Variants in MGST1 observed in about 807,000 individuals in gnomAD.
The protein encoded by MGST1 is glutathione S-transferase 12.
Under a neutral mutation model 8.9 loss-of-function variants are expected in MGST1, and 5 were observed. The observed-to-expected ratio is 0.56, with a 90% CI of 0.29 to 1.19. The LOEUF (loss-of-function observed/expected upper bound fraction) is 1.19, where lower values mean the gene tolerates loss of function less well. MGST1 is among the 50% of genes most tolerant of loss of function. MGST1 has a pLI of 0.08. For missense variants in MGST1, 182 were observed against 187.4 expected, an observed-to-expected ratio of 0.97 and a Z score of 0.17; for synonymous variants, 54 against 67.8, an observed-to-expected ratio of 0.80 and a Z score of 1.00.
At chr12:16,455,284 A>G (rs1019612644) in intron 4 of MGST1, among the ~76,000 whole-genome samples, 5 of 151,878 alleles carry the variant, frequency 3.3e-5, no homozygotes, top group African/African-American at 1.2e-4. Flanking sequence ...TCTCTCAACA[A>G]ATTTATGATA....
At chr12:16,486,627 A>G (rs1250324848) in intron 4 of MGST1, among the ~76,000 whole-genome samples, 1 of 152,220 alleles carries the variant, frequency 6.6e-6, no homozygotes, top group Non-Finnish European at 1.5e-5. Flanking sequence ...CAATTTGTCC[A>G]AGACTGAATT....
At chr12:16,355,023 G>A (rs757299081) in intron 2 of MGST1, among the ~76,000 whole-genome samples, 10 of 151,916 alleles carry the variant, frequency 6.6e-5, no homozygotes, top group South Asian at 2.1e-4. Flanking sequence ...TGCTTGAAGC[G>A]CGTAGAGCGA....
Position 16,552,106 on chromosome 12 carries a change from T to C in MGST1, n.483-37422T>C, listed in dbSNP as rs79833725. 7.8e-3 allele frequency among the ~76,000 whole-genome samples: 1,187 copies of C among 152,174 alleles called. 18 individuals are homozygous for C. The highest frequency in any genetic ancestry group is 0.027 in the African/African-American group (1,137 of 41,566). ...TTGTTTAATGTGCAAGACTGCAATG[T>C]TTTTAATAAGTGTTCTTTCTGTATG... On this transcript the variant is annotated intron_variant and non_coding_transcript_variant, in intron 4 of 4. Transcript: ENST00000538857.
At chr12:16,367,247 A>G (rs1940208495), downstream of MGST1, 1 of 152,142 alleles carries the variant, frequency 6.6e-6, no homozygotes, top group Non-Finnish European at 1.5e-5. Flanking sequence ...CGTGGTTTAA[A>G]CAAGGCTGAG....
intron 4 of MGST1, among the ~76,000 whole-genome samples, chr12:16,445,498 A>G (rs940552421): frequency 6.6e-5 from 10 of 151,944 alleles, no homozygotes; most frequent in Non-Finnish European, 1.0e-4. Flanking sequence ...GTGATGTTCT[A>G]TGTAAAATCC....
chr12:16,447,837 T>C (rs1468187494), intron 4 of MGST1, among the ~76,000 whole-genome samples: 1 of 151,950 alleles, frequency 6.6e-6, no homozygotes, highest in Admixed American at 6.6e-5. Flanking sequence ...CCTTTATATA[T>C]TTTTCCAGAT....
At chr12:16,453,579 A>C (rs750733910) in intron 4 of MGST1, among the ~76,000 whole-genome samples, 1 of 151,968 alleles carries the variant, frequency 6.6e-6, no homozygotes, top group Non-Finnish European at 1.5e-5. Flanking sequence ...ACAAAGTATT[A>C]TAAAATTGTT....
chr12:16,518,655 A>T (rs1335239057), intron 4 of MGST1, among the ~76,000 whole-genome samples: 2 of 152,304 alleles, frequency 1.3e-5, no homozygotes, highest in African/African-American at 4.8e-5. Flanking sequence ...AATATAACAG[A>T]TTTTTACTCT....
chr12:16,570,145 T>G (rs1163784635), intron 4 of MGST1, among the ~76,000 whole-genome samples: 1 of 152,160 alleles, frequency 6.6e-6, no homozygotes, highest in Non-Finnish European at 1.5e-5. Flanking sequence ...TTTTAAGAAT[T>G]TTTTGTGATA....
downstream of MGST1, among the ~76,000 whole-genome samples, chr12:16,367,850 A>G (rs1312553486): frequency 7.4e-6 from 1 of 134,360 alleles, no homozygotes; most frequent in Admixed American, 7.9e-5. Flanking sequence ...CTGATGACAC[A>G]GGACCCTCAC....
chr12:16,420,494 G>GT (rs1156279889), intron 1 of MGST1, among the ~76,000 whole-genome samples: 2 of 152,166 alleles, frequency 1.3e-5, no homozygotes, highest in East Asian at 3.9e-4. Context: ...CTGAGTGGAG[G>GT]TTTCCATGCA....
intron 4 of MGST1, among the ~76,000 whole-genome samples, chr12:16,446,644 A>G (rs147043959): frequency 1.3e-5 from 2 of 151,944 alleles, no homozygotes; most frequent in East Asian, 3.9e-4. Flanking sequence ...AAATGCTGCC[A>G]CTTAGCCTTT....
At chr12:16,564,575 G>T (rs538832788) in intron 4 of MGST1, among the ~76,000 whole-genome samples, 15 of 152,268 alleles carry the variant, frequency 9.9e-5, no homozygotes, top group African/African-American at 3.6e-4. Flanking sequence ...TTATTTCACA[G>T]CACCAGATGT....
At chr12:16,420,800 G>A (rs937179399) in intron 1 of MGST1, among the ~76,000 whole-genome samples, 1 of 152,160 alleles carries the variant, frequency 6.6e-6, no homozygotes, top group Admixed American at 6.5e-5. Context: ...ACCATTAGCT[G>A]AGGCTTCTTA....
At chr12:16,583,655 A>G (rs543761926) in intron 4 of MGST1, among the ~76,000 whole-genome samples, 1 of 152,374 alleles carries the variant, frequency 6.6e-6, no homozygotes, top group East Asian at 1.9e-4. Context: ...ACATCAGGGA[A>G]TATCAATCTG....
rs947151841 is a variant in MGST1, at chr12:16,497,810, C to T, written n.483-91718C>T. Among the ~76,000 whole-genome samples, 8 of 152,076 alleles carry T rather than the reference C, an allele frequency of 5.3e-5. No homozygotes were observed. The highest frequency in any genetic ancestry group is 8.8e-5 in the Non-Finnish European group (6 of 67,992). ...AACTTTGTGCGCTTTTGTAAGAATT[C>T]CCTTGGTAATATGTTAAAATAGCAC... On this transcript the variant is annotated intron_variant and non_coding_transcript_variant, in intron 4 of 4. Transcript: ENST00000538857. This position sits in a 1 kb window ranked among gnomAD's most constrained non-coding sequence, Gnocchi z 4.4.
chr12:16,490,887 G>T (rs12300931), intron 4 of MGST1, among the ~76,000 whole-genome samples: 5 of 151,754 alleles, frequency 3.3e-5, no homozygotes, highest in East Asian at 1.9e-4. Context: ...AACATGAAAT[G>T]ACATGATTTA....
chr12:16,350,884 T>A (rs1185728952), intron 1 of MGST1: 1 of 151,564 alleles, frequency 6.6e-6, no homozygotes, highest in Non-Finnish European at 1.5e-5. Context: ...ATTGAGAAAC[T>A]CTGTGTGAAG....
intron 4 of MGST1, among the ~76,000 whole-genome samples, chr12:16,470,895 A>C (rs1238965099): frequency 6.6e-6 from 1 of 152,220 alleles, no homozygotes; most frequent in Non-Finnish European, 1.5e-5. Context: ...AATTTCCACC[A>C]ACCTCCCTTT....
Sources: gnomAD v4.1 joint callset for allele counts (sites outside exome capture counted in the v4.1 genomes callset) on GRCh38, gnomAD v4.1.1 for gene constraint, Gnocchi (gnomAD v3.1) non-coding constraint, MANE v1.5 for transcripts, NCBI Gene and HGNC (gene_info 2026-07-23, HGNC 2026-07-21) for gene names.